The following VSNL1 variants were observed in gnomAD, a reference collection of about 807,000 sequenced individuals.
VSNL1 encodes visinin-like protein 1.
VSNL1 carries 6 observed loss-of-function variants against 20.4 expected under a neutral mutation model. That is an observed-to-expected ratio of 0.29 (90% confidence interval 0.16 to 0.58). VSNL1 has a LOEUF of 0.58. Ranked by LOEUF, VSNL1 falls within the 20% of genes least tolerant of loss-of-function variation. VSNL1 has a pLI of 0.90. For missense variants in VSNL1, 100 were observed against 234.5 expected, an observed-to-expected ratio of 0.43 and a Z score of 3.75; for synonymous variants, 93 against 86.4, an observed-to-expected ratio of 1.08 and a Z score of -0.42.
intron 1 of VSNL1, among the ~76,000 whole-genome samples, chr2:17,547,938 G>C (rs1663438921): frequency 6.6e-6 from 1 of 152,024 alleles, no homozygotes. Context: ...CGTTTCAGGA[G>C]CTCCGCTTTT....
intron 1 of VSNL1, among the ~76,000 whole-genome samples, chr2:17,575,685 G>A (rs1040398634): frequency 1.3e-5 from 2 of 151,928 alleles, no homozygotes; most frequent in Non-Finnish European, 1.5e-5. Flanking sequence ...AGAGGCATGC[G>A]CCACCATGCC....
In VSNL1 at chr2:17,649,009, AT is replaced by A. The variant is rs1666062871; in HGVS notation, c.163-399del. Among the ~76,000 whole-genome samples, 1 of 152,186 alleles carries A rather than the reference AT, an allele frequency of 6.6e-6. No homozygotes were observed. Among genetic ancestry groups the A allele is most frequent in the African/African-American group, 2.4e-5 (1 of 41,454 alleles). On this transcript the variant is annotated intron_variant, in intron 2 of 3. Transcript: ENST00000295156. The surrounding 1 kb of genome is among the most constrained non-coding windows in gnomAD (Gnocchi z 6.4). ...CCCTACTGGGCAGCGATGAAGCCAG[AT>A]TCTCATATCTAGAGGAACATTGAAG...
chr2:17,565,931 G>A (rs1188567356), intron 1 of VSNL1, among the ~76,000 whole-genome samples: 1 of 152,114 alleles, frequency 6.6e-6, no homozygotes, highest in Non-Finnish European at 1.5e-5. Flanking sequence ...TTGCTTCAAT[G>A]GGCACTGATT....
intron 1 of VSNL1, among the ~76,000 whole-genome samples, chr2:17,544,143 G>A (rs1663357303): frequency 6.6e-6 from 1 of 152,170 alleles, no homozygotes; most frequent in East Asian, 1.9e-4. Flanking sequence ...TCAAAGAGTA[G>A]GTAACTACTC....
intron 2 of VSNL1, among the ~76,000 whole-genome samples, chr2:17,606,968 A>G (rs1341334834): frequency 6.6e-6 from 1 of 152,118 alleles, no homozygotes; most frequent in Non-Finnish European, 1.5e-5. Flanking sequence ...TGCCACAGCT[A>G]ACTTTCAATG....
intron 1 of VSNL1, among the ~76,000 whole-genome samples, chr2:17,591,043 T>G (rs1428673626): frequency 6.6e-6 from 1 of 152,198 alleles, no homozygotes; most frequent in Non-Finnish European, 1.5e-5. Flanking sequence ...AAAGGGAAAA[T>G]TTTAAAATTA....
At chr2:17,609,588 T>G (rs974095292) in intron 2 of VSNL1, among the ~76,000 whole-genome samples, 1 of 152,182 alleles carries the variant, frequency 6.6e-6, no homozygotes, top group African/African-American at 2.4e-5. Context: ...AGATGGGATT[T>G]GAGGCCCTAA....
At chr2:17,621,265 T>C (rs1273133254) in intron 2 of VSNL1, among the ~76,000 whole-genome samples, 1 of 151,916 alleles carries the variant, frequency 6.6e-6, no homozygotes, top group Non-Finnish European at 1.5e-5. Context: ...TTCTTTTCTT[T>C]CTTTCTTCCT....
chr2:17,561,486 A>G (rs1663813697), intron 1 of VSNL1, among the ~76,000 whole-genome samples: 1 of 152,210 alleles, frequency 6.6e-6, no homozygotes, highest in African/African-American at 2.4e-5. Flanking sequence ...CAGGTTCCAG[A>G]TTGTGATGAA....
chr2:17,638,734 A>C (rs1665815313), intron 2 of VSNL1, among the ~76,000 whole-genome samples: 1 of 152,194 alleles, frequency 6.6e-6, no homozygotes, highest in African/African-American at 2.4e-5. Flanking sequence ...CTCTGCCCTG[A>C]GATCTAGTCT....
chr2:17,617,910 C>A (rs879315424), intron 2 of VSNL1, among the ~76,000 whole-genome samples: 1 of 151,758 alleles, frequency 6.6e-6, no homozygotes, highest in Non-Finnish European at 1.5e-5. Flanking sequence ...CACACACACA[C>A]CCCACCTTAC....
chr2:17,586,364 G>A (rs1248190100), intron 1 of VSNL1, among the ~76,000 whole-genome samples: 1 of 152,208 alleles, frequency 6.6e-6, no homozygotes, highest in Non-Finnish European at 1.5e-5. Context: ...CCACTAAGCT[G>A]TATTTTTAAG....
At chr2:17,582,615 A>G (rs1304092972) in intron 1 of VSNL1, among the ~76,000 whole-genome samples, 1 of 152,142 alleles carries the variant, frequency 6.6e-6, no homozygotes, top group Non-Finnish European at 1.5e-5. Flanking sequence ...AGAGAAGTTC[A>G]GAATGATGCC....
At chr2:17,618,967 G>C (rs1221142986) in intron 2 of VSNL1, among the ~76,000 whole-genome samples, 1 of 152,096 alleles carries the variant, frequency 6.6e-6, no homozygotes, top group East Asian at 1.9e-4. Context: ...ATGATCCAGT[G>C]AATCAGTGGT....
At chr2:17,578,633 C>A (rs369323264) in intron 1 of VSNL1, among the ~76,000 whole-genome samples, 2 of 152,298 alleles carry the variant, frequency 1.3e-5, no homozygotes, top group African/African-American at 4.8e-5. Flanking sequence ...AGAAGGCCCA[C>A]GGCTGGGAGG....
intron 1 of VSNL1, among the ~76,000 whole-genome samples, chr2:17,580,215 G>T (rs1664320457): frequency 6.6e-6 from 1 of 152,100 alleles, no homozygotes; most frequent in Admixed American, 6.6e-5. Flanking sequence ...ACCACTTCTG[G>T]GTGCCTATGG....
intron 1 of VSNL1, among the ~76,000 whole-genome samples, chr2:17,560,078 C>T (rs1054958774): frequency 5.3e-5 from 8 of 151,602 alleles, no homozygotes; most frequent in Non-Finnish European, 1.0e-4. Context: ...TGTTCAGTAG[C>T]AACCAAGGTA....
intron 2 of VSNL1, among the ~76,000 whole-genome samples, chr2:17,595,816 G>A (rs1664698507): frequency 6.6e-6 from 1 of 152,162 alleles, no homozygotes; most frequent in Non-Finnish European, 1.5e-5. Context: ...CAGCCAGGGA[G>A]AGAAGCTACA....
At chr2:17,635,209 C>A (rs58573996) in intron 2 of VSNL1, among the ~76,000 whole-genome samples, 2,032 of 152,244 alleles carry the variant, frequency 0.013, 24 homozygotes, top group East Asian at 0.031. Flanking sequence ...GTCTCCTAGA[C>A]GAATGCTCGG....
Sources: allele counts gnomAD v4.1 joint callset (sites outside exome capture counted in the v4.1 genomes callset), GRCh38; gene constraint gnomAD v4.1.1; non-coding constraint Gnocchi (gnomAD v3.1); transcripts MANE v1.5; gene names NCBI Gene and HGNC (gene_info 2026-07-23, HGNC 2026-07-21).